Variants in CYRIB observed in about 807,000 individuals in gnomAD.
CYRIB encodes the protein CYFIP related Rac1 interactor B.
CYRIB carries 8 observed loss-of-function variants against 44.2 expected under a neutral mutation model. That is an observed-to-expected ratio of 0.18 (90% CI 0.11 to 0.33). The LOEUF (loss-of-function observed/expected upper bound fraction) is 0.33, where lower values mean the gene tolerates loss of function less well. Among genes scored for constraint, CYRIB ranks in the 10% least tolerant of loss-of-function variants. The pLI is 1.00. For missense variants in CYRIB, 185 were observed against 382.8 expected (o/e 0.48, Z 4.31); for synonymous variants, 131 against 127.2 (o/e 1.03, Z -0.20).
intron 2 of CYRIB, among the ~76,000 whole-genome samples, chr8:129,885,923 C>G (rs754790067): frequency 6.6e-6 from 1 of 152,198 alleles, no homozygotes; most frequent in Non-Finnish European, 1.5e-5. Flanking sequence ...CTCACTGTAT[C>G]TTTCACACAC....
intron 1 of CYRIB, among the ~76,000 whole-genome samples, chr8:129,937,851 T>C (rs1427309959): frequency 6.6e-6 from 1 of 152,156 alleles, no homozygotes; most frequent in South Asian, 2.1e-4. Context: ...TAAACATTAT[T>C]ATCTAGCAAA....
intron 2 of CYRIB, among the ~76,000 whole-genome samples, chr8:129,893,801 G>A (rs955060681): frequency 6.6e-6 from 1 of 150,986 alleles, no homozygotes; most frequent in Non-Finnish European, 1.5e-5. Context: ...TTCAAGTGCT[G>A]AGATTATAGG....
intron 2 of CYRIB, among the ~76,000 whole-genome samples, chr8:129,965,436 G>C (rs1431784615): frequency 1.3e-5 from 2 of 152,096 alleles, no homozygotes; most frequent in African/African-American, 4.8e-5. Context: ...AATATATCCT[G>C]AAAATCATTC....
At chr8:129,875,757 G>C (rs1304980891) in intron 3 of CYRIB, among the ~76,000 whole-genome samples, 1 of 152,046 alleles carries the variant, frequency 6.6e-6, no homozygotes, top group Non-Finnish European at 1.5e-5. Context: ...GTCCTTTACT[G>C]TATTAGTTCA....
chr8:129,872,221 A>G (rs2057549714), intron 3 of CYRIB, among the ~76,000 whole-genome samples: 1 of 152,158 alleles, frequency 6.6e-6, no homozygotes, highest in South Asian at 2.1e-4. Flanking sequence ...TGAAAACTAG[A>G]TACTTTAAGC....
At chr8:129,869,069 A>AG (rs1040038921) in intron 4 of CYRIB, among the ~76,000 whole-genome samples, 3 of 150,266 alleles carry the variant, frequency 2.0e-5, no homozygotes, top group Non-Finnish European at 3.0e-5. Flanking sequence ...AAAAAAAAAA[A>AG]AAGAAGAAAA....
intron 1 of CYRIB, among the ~76,000 whole-genome samples, chr8:129,915,989 T>C (rs570077410): frequency 6.6e-6 from 1 of 152,270 alleles, no homozygotes; most frequent in South Asian, 2.1e-4. Context: ...AAAAAGCCCA[T>C]AGAGACAAAA....
intron 2 of CYRIB, among the ~76,000 whole-genome samples, chr8:129,960,649 GAA>G (rs746019281): frequency 3.4e-5 from 1 of 29,040 alleles, no homozygotes; most frequent in Non-Finnish European, 6.9e-5. Flanking sequence ...TCTGTCTCAA[GAA>G]AAAAAAAAAA....
At chr8:129,940,163 G>A (rs189905954), upstream of CYRIB, among the ~76,000 whole-genome samples, 45 of 152,310 alleles carry the variant, frequency 3.0e-4, no homozygotes, top group African/African-American at 1.1e-3. Flanking sequence ...CAGAGGTGGC[G>A]GTGACCTGCC....
intron 1 of CYRIB, among the ~76,000 whole-genome samples, chr8:129,935,810 C>T (rs1364637336): frequency 1.3e-5 from 2 of 152,162 alleles, no homozygotes; most frequent in Non-Finnish European, 2.9e-5. Flanking sequence ...TATATCTCTG[C>T]ATTAAGTCTT....
chr8:129,870,110 T>C (rs1298488485), intron 4 of CYRIB, among the ~76,000 whole-genome samples: 1 of 152,044 alleles, frequency 6.6e-6, no homozygotes, highest in Non-Finnish European at 1.5e-5. Flanking sequence ...GATCTGCTAA[T>C]GTAAAATAAA....
chr8:129,888,918 C>G (rs559665865), intron 2 of CYRIB, among the ~76,000 whole-genome samples: 1 of 152,048 alleles, frequency 6.6e-6, no homozygotes, highest in Non-Finnish European at 1.5e-5. Flanking sequence ...CATGGTGAAA[C>G]CCCATCTCTA....
chr8:130,002,265 A>G (rs1213494715), intron 1 of CYRIB, among the ~76,000 whole-genome samples: 2 of 152,156 alleles, frequency 1.3e-5, no homozygotes, highest in Non-Finnish European at 2.9e-5. Context: ...GTTCTAGACT[A>G]GCCTGGGTAA....
chr8:130,016,530 A>C (rs1012843175), upstream of CYRIB: 3 of 156,936 alleles, frequency 1.9e-5, no homozygotes, highest in African/African-American at 7.3e-5. Context: ...CAGCAGCAGC[A>C]GCCCGGGCGA....
chr8:129,967,602 A>C (rs2095536634), intron 2 of CYRIB, among the ~76,000 whole-genome samples: 2 of 151,410 alleles, frequency 1.3e-5, no homozygotes, highest in South Asian at 4.2e-4. Context: ...GATGGTCTCG[A>C]TCTCCTGACC....
chr8:129,960,066 C>T (rs1381485155), intron 2 of CYRIB, among the ~76,000 whole-genome samples: 1 of 152,202 alleles, frequency 6.6e-6, no homozygotes, highest in African/African-American at 2.4e-5. Context: ...TATCAATTAT[C>T]CCATTTGAAC....
chr8:129,909,032 TC>T (rs1257979546), intron 1 of CYRIB, among the ~76,000 whole-genome samples: 1 of 151,972 alleles, frequency 6.6e-6, no homozygotes, highest in African/African-American at 2.4e-5. Context: ...CCTAAAGCAA[TC>T]CCCCCATCTC....
intron 1 of CYRIB, among the ~76,000 whole-genome samples, chr8:130,000,704 T>C (rs1432538271): frequency 6.6e-6 from 1 of 151,568 alleles, no homozygotes; most frequent in East Asian, 1.9e-4. Flanking sequence ...AATAAAATAA[T>C]AAATAAATAA....
chr8:129,989,622 G>A (rs113290069), intron 1 of CYRIB, among the ~76,000 whole-genome samples: 2,624 of 150,372 alleles, frequency 0.017, 78 homozygotes, highest in African/African-American at 0.061. Context: ...TCAGGACCTC[G>A]CAAGCCTGAT....
Sources: allele counts gnomAD v4.1 joint callset (sites outside exome capture counted in the v4.1 genomes callset), GRCh38; gene constraint gnomAD v4.1.1; transcripts MANE v1.5; gene names NCBI Gene and HGNC (gene_info 2026-07-23, HGNC 2026-07-21).